Variants in TFR2 observed in about 807,000 individuals in gnomAD.
The protein encoded by TFR2 is transferrin receptor 2, also known as transferrin receptor protein 2.
TFR2 carries 64 observed loss-of-function variants against 91.9 expected under a neutral mutation model. That is an observed-to-expected ratio of 0.70 (90% CI 0.57 to 0.86). The LOEUF (loss-of-function observed/expected upper bound fraction) is 0.86, where lower values mean the gene tolerates loss of function less well. Among genes scored for constraint, TFR2 ranks in the 40% least tolerant of loss-of-function variants. The pLI is 0.00. For synonymous variants in TFR2, 454 were observed against 459.6 expected, an observed-to-expected ratio of 0.99 and a Z score of 0.15; for missense variants, 950 against 1,080.5, an observed-to-expected ratio of 0.88 and a Z score of 1.69.
Position 100,640,887 on chromosome 7 carries a change from G to A in TFR2, c.287-15C>T, listed in dbSNP as rs760437644. The A allele has an allele frequency of 6.2e-7, 1 of 1,613,860 alleles. No homozygotes were observed. The highest frequency in any genetic ancestry group is 1.3e-5 in the African/African-American group (1 of 74,922). On this transcript the variant is annotated splice_polypyrimidine_tract_variant and intron_variant, in intron 2 of 17. Transcript: ENST00000223051. ...CAGTAGGAAGGCTGGCGGGTGGCAA[G>A]ATGGGGATTCTCTTTATGCCCACCT... is the stretch of plus-strand genomic sequence containing the variant.
chr7:100,640,601 G>A (rs1036783030), intron 3 of TFR2, 85 bp downstream of exon 3: 2 of 1,500,968 alleles, frequency 1.3e-6, no homozygotes, highest in Admixed American at 3.6e-5. Context: ...GACACCAGAG[G>A]CCTGGGCCAG....
At position 100,640,714 on chromosome 7, in the gene TFR2, C is replaced by T; in HGVS notation, c.445G>A (p.Gly149Arg). 1 of 1,613,566 alleles carries T rather than the reference C, an allele frequency of 6.2e-7. No individual in the cohort carries two copies. The highest frequency in any genetic ancestry group is 8.5e-7 in the Non-Finnish European group (1 of 1,179,860). The stretch of plus-strand genomic sequence containing the variant: ...ATGGTGTCCTCCAGGCGCCCCTCCC[C>T]CAGGAACTGCAGGAACATGGCCTGG... ...DLQAMFLQFL[G>R]EGRLEDTIRQ... The change falls in exon 3 of 18, where the codon GGG becomes AGG. Residue 149 changes from glycine (G) to arginine (R), a missense_variant. By Grantham distance (125) the Gly-to-Arg change is moderately radical (BLOSUM62 -2). Transcript: ENST00000223051.
intron 17 of TFR2, among the ~76,000 whole-genome samples, chr7:100,621,414 C>T (rs1473648502): frequency 2.0e-5 from 3 of 152,102 alleles, no homozygotes; most frequent in East Asian, 1.9e-4. Context: ...CCACGACGCC[C>T]GGCTAATTTT....
chr7:100,620,762 G>T lies in TFR2; in HGVS notation c.*95C>A. ...ATGAGAAATTGATCAGCAATGAGAG[G>T]TGGACTCTGAGCCACCTCCCTGACC... On this transcript the variant is annotated 3_prime_UTR_variant, in exon 18 of 18. Coordinates refer to ENST00000223051, the MANE Select transcript of TFR2 (RefSeq NM_003227.4). 1 of 1,552,564 alleles carries T rather than the reference G, an allele frequency of 6.4e-7. No homozygotes were observed. Among genetic ancestry groups the T allele is most frequent in the Non-Finnish European group, 8.8e-7 (1 of 1,131,144 alleles).
chr7:100,626,663 G>A lies in TFR2; in HGVS notation c.2136+100C>T. ...TCCAGAGGACCGGGACTGTGTAGGC[G>A]GGGAGAGAGAGGAGCGCGCAGACGG... On this transcript the variant is annotated intron_variant, in intron 17 of 17. Coordinates refer to ENST00000223051, the MANE Select transcript of TFR2 (RefSeq NM_003227.4). 8.6e-6 allele frequency: 13 copies of A among 1,509,158 alleles called. No individual in the cohort carries two copies. The South Asian group carries it at 8.8e-5, about 10-fold the overall frequency. The allele number at this position is 1,509,158 out of a possible 1,614,324, so 93.5% of individuals were successfully genotyped here. A position where few individuals can be genotyped will look rare whatever the true frequency, so the allele number is the denominator to read the frequency against.
chr7:100,636,315 A>G, intron 3 of TFR2, among the ~76,000 whole-genome samples: 1 of 151,494 alleles, frequency 6.6e-6, no homozygotes, highest in East Asian at 1.9e-4. Flanking sequence ...AGCTGGGATT[A>G]CAGGCATGCA....
intron 3 of TFR2, among the ~76,000 whole-genome samples, chr7:100,638,765 A>T (rs1055273980): frequency 1.3e-5 from 2 of 151,900 alleles, no homozygotes; most frequent in African/African-American, 4.8e-5. Flanking sequence ...AGTAAAAAAA[A>T]AAAAAATAGC....
rs923617171 is a variant in TFR2, at chr7:100,633,321, G to A, written c.634C>T (p.His212Tyr). Residue 212 changes from histidine (H) to tyrosine (Y), a missense_variant, in exon 5 of 18, where the codon CAC becomes TAC. Coordinates refer to ENST00000223051, the MANE Select transcript of TFR2 (RefSeq NM_003227.4). ...FPDPAHPNTLHWVDEAGKVGE... is the reference protein window; with the variant it reads ...FPDPAHPNTLYWVDEAGKVGE... The stretch of plus-strand genomic sequence containing the variant: ...ACCTTCCCGGCCTCATCGACCCAGT[G>A]CAGGGTGTTGGGGTGAGCCCTGGGG... The A allele has an allele frequency of 3.7e-6, 6 of 1,613,540 alleles. No homozygotes were observed. The highest frequency in any genetic ancestry group is 5.1e-6 in the Non-Finnish European group (6 of 1,179,828).
At chr7:100,630,443 C>T (rs1803401919) in intron 9 of TFR2, among the ~76,000 whole-genome samples, 1 of 152,140 alleles carries the variant, frequency 6.6e-6, no homozygotes, top group Admixed American at 6.6e-5. Context: ...ATGCATGCCA[C>T]CGGGCCCAGC....
Position 100,620,792 on chromosome 7 carries a change from A to G in TFR2, c.*65T>C. 6.2e-7 allele frequency: 1 copy of G among 1,604,968 alleles called. No homozygotes were observed. Among genetic ancestry groups the G allele is most frequent in the Non-Finnish European group, 8.5e-7 (1 of 1,173,080 alleles). On this transcript the variant is annotated 3_prime_UTR_variant, in exon 18 of 18. Transcript: ENST00000223051. Reference sequence around the variant, plus strand: ...CTCTGAGCCACCTCCCTGACCCTGAATCATTCAAGCGAGGAGCAGAGGAGC... The same window carrying G: ...CTCTGAGCCACCTCCCTGACCCTGAGTCATTCAAGCGAGGAGCAGAGGAGC...
chr7:100,631,798 C>T lies in TFR2; in HGVS notation c.1106+8G>A. 3.1e-6 allele frequency: 5 copies of T among 1,611,744 alleles called. No homozygotes were observed. The highest frequency in any genetic ancestry group is 4.2e-6 in the Non-Finnish European group (5 of 1,178,608). On this transcript the variant is annotated splice_region_variant and intron_variant, in intron 8 of 17. Coordinates refer to ENST00000223051, the MANE Select transcript of TFR2 (RefSeq NM_003227.4). ...TCCTCCTCTTCTGGTCCCCAACACTCCCCTCACCTCAGCAGGCGGGAGGCA... is the reference window on the plus strand; with the variant it reads ...TCCTCCTCTTCTGGTCCCCAACACTTCCCTCACCTCAGCAGGCGGGAGGCA...
rs762832274 is a variant in TFR2, at chr7:100,628,092, G to T, written c.1518C>A (p.Ser506Arg). 5.6e-6 allele frequency: 9 copies of T among 1,613,998 alleles called. No homozygotes were observed. Among genetic ancestry groups the T allele is most frequent in the Non-Finnish European group, 7.6e-6 (9 of 1,180,008 alleles). The change falls in exon 12 of 18, where the codon AGC becomes AGA. Residue 506 changes from serine to arginine, a missense_variant. Physicochemically the swap from Ser to Arg is moderately radical, Grantham distance 110 (BLOSUM62 -1). Coordinates refer to ENST00000223051, the MANE Select transcript of TFR2 (RefSeq NM_003227.4). ...GCTCACCCAGCACTGCGTTGTCCAG[G>T]CTCACGTACACTACGGCTTTGAGGT... ...VLHLKAVVYV[S>R]LDNAVLGDDK...
At chr7:100,635,833 A>ATT (rs1803563353) in intron 3 of TFR2, among the ~76,000 whole-genome samples, 1 of 151,826 alleles carries the variant, frequency 6.6e-6, no homozygotes, top group South Asian at 2.1e-4. Context: ...ACTGGGCTCA[A>ATT]GAGATCCTCC....
intron 9 of TFR2, among the ~76,000 whole-genome samples, chr7:100,629,844 C>A (rs1803379527): frequency 6.6e-6 from 1 of 152,138 alleles, no homozygotes; most frequent in African/African-American, 2.4e-5. Flanking sequence ...CTCCCGGGTT[C>A]ACGCCATTCT....
intron 1 of TFR2, 40 bp from the exon 2 acceptor site, chr7:100,641,268 C>CT: frequency 7.6e-7 from 1 of 1,322,402 alleles, no homozygotes; most frequent in South Asian, 1.3e-5. Flanking sequence ...GGCAAGAGGC[C>CT]TGGGGGGTGG....
At chr7:100,629,818 T>C (rs1001464007) in intron 9 of TFR2, among the ~76,000 whole-genome samples, 1 of 152,212 alleles carries the variant, frequency 6.6e-6, no homozygotes, top group African/African-American at 2.4e-5. Flanking sequence ...CGATCTTGGC[T>C]CACGGCAAGC....
At chr7:100,622,775 G>A (rs1803143183) in intron 17 of TFR2, among the ~76,000 whole-genome samples, 1 of 151,874 alleles carries the variant, frequency 6.6e-6, no homozygotes, top group Non-Finnish European at 1.5e-5. Context: ...TGGCCAACAT[G>A]GCAAAACCCT....
intron 4 of TFR2, 23 bp downstream of exon 4, chr7:100,633,393 C>T (rs1803507103): frequency 6.2e-7 from 1 of 1,605,596 alleles, no homozygotes; most frequent in Non-Finnish European, 8.5e-7. Context: ...CCCCGCGCGC[C>T]CCCCGCCCGC....
intron 17 of TFR2, among the ~76,000 whole-genome samples, chr7:100,625,756 G>A (rs1584454821): frequency 6.6e-6 from 1 of 152,148 alleles, no homozygotes; most frequent in South Asian, 2.1e-4. Flanking sequence ...GTCATGGCAC[G>A]TGCCTGTACT....
Sources: allele counts gnomAD v4.1 joint callset (sites outside exome capture counted in the v4.1 genomes callset), GRCh38; gene constraint gnomAD v4.1.1; transcripts MANE v1.5; gene names NCBI Gene and HGNC (gene_info 2026-07-23, HGNC 2026-07-21).